DLGAP2: variants seen among roughly 807,000 people sequenced by gnomAD.
The protein encoded by DLGAP2 is DLG associated protein 2.
A neutral mutation model predicts 100.3 loss-of-function variants in DLGAP2; 26 were observed. That is an observed-to-expected ratio of 0.26 (90% CI 0.19 to 0.36). The LOEUF (loss-of-function observed/expected upper bound fraction) is 0.36, where lower values mean the gene tolerates loss of function less well. Ranked by LOEUF, DLGAP2 falls within the 10% of genes least tolerant of loss-of-function variation. The pLI is 1.00. For synonymous variants in DLGAP2, 886 were observed against 630.1 expected (o/e 1.41, Z -6.08); for missense variants, 1,858 against 1,453.2 (o/e 1.28, Z -4.53).
chr8:1,202,774 T>G (rs1348484117), intron 2 of DLGAP2, among the ~76,000 whole-genome samples: 2 of 152,134 alleles, frequency 1.3e-5, no homozygotes, highest in Non-Finnish European at 2.9e-5. Context: ...GCATTCACCT[T>G]GAATCCACCC....
intron 3 of DLGAP2, among the ~76,000 whole-genome samples, chr8:1,473,637 T>C (rs1316347397): frequency 6.6e-6 from 1 of 152,144 alleles, no homozygotes; most frequent in African/African-American, 2.4e-5. Flanking sequence ...TAGGCTATGG[T>C]ATGGTTTGGC....
intron 1 of DLGAP2, among the ~76,000 whole-genome samples, chr8:882,561 G>T (rs1431423753): frequency 2.0e-4 from 3 of 15,332 alleles, no homozygotes; most frequent in African/African-American, 8.8e-4. Context: ...TCCCTGCGGA[G>T]GCCTCCCCTG....
At chr8:1,550,760 C>G (rs888719107) in intron 5 of DLGAP2, among the ~76,000 whole-genome samples, 16 of 152,194 alleles carry the variant, frequency 1.1e-4, no homozygotes, top group African/African-American at 3.9e-4. Flanking sequence ...TTGTGCCATG[C>G]CTGAGTTTAC....
chr8:1,487,798 G>C (rs1265446536), intron 3 of DLGAP2, among the ~76,000 whole-genome samples: 3 of 152,210 alleles, frequency 2.0e-5, no homozygotes, highest in African/African-American at 7.2e-5. Context: ...GGCTGGTCGA[G>C]TACGAGTAGT....
chr8:1,354,699 G>A (rs1355312542), intron 3 of DLGAP2, among the ~76,000 whole-genome samples: 13 of 2,100 alleles, frequency 6.2e-3, no homozygotes, highest in African/African-American at 0.029. Flanking sequence ...GGAAAGTCAC[G>A]GATGATGCTG....
At chr8:949,745 C>G (rs1162232486) in intron 2 of DLGAP2, among the ~76,000 whole-genome samples, 2 of 152,228 alleles carry the variant, frequency 1.3e-5, no homozygotes, top group Non-Finnish European at 2.9e-5. Context: ...GTTCTGCTGT[C>G]AGGAACGGGC....
chr8:764,582 C>T (rs999179848), intron 1 of DLGAP2, among the ~76,000 whole-genome samples: 30 of 152,194 alleles, frequency 2.0e-4, no homozygotes, highest in African/African-American at 7.2e-4. Flanking sequence ...CGAGTCCAAG[C>T]TCTTCTCAGT....
chr8:1,040,940 C>T (rs1279238123), intron 2 of DLGAP2, among the ~76,000 whole-genome samples: 1 of 152,116 alleles, frequency 6.6e-6, no homozygotes, highest in Admixed American at 6.5e-5. Context: ...GGATTGGTGA[C>T]TTACTTTTAG....
intron 2 of DLGAP2, among the ~76,000 whole-genome samples, chr8:942,806 T>C (rs1196414704): frequency 6.6e-6 from 1 of 152,188 alleles, no homozygotes; most frequent in Non-Finnish European, 1.5e-5. Context: ...GTAGAATTCA[T>C]TACAGTGAAA....
chr8:902,073 C>A (rs918922446), intron 1 of DLGAP2, among the ~76,000 whole-genome samples: 1 of 152,212 alleles, frequency 6.6e-6, no homozygotes, highest in Admixed American at 6.5e-5. Flanking sequence ...GGTGGGTCCA[C>A]CGCAGAGGGA....
chr8:1,332,896 T>G (rs1216771513), intron 3 of DLGAP2, among the ~76,000 whole-genome samples: 1 of 152,276 alleles, frequency 6.6e-6, no homozygotes, highest in Non-Finnish European at 1.5e-5. Flanking sequence ...TCTGGGTGTG[T>G]CTGGGAGTGG....
chr8:1,137,615 T>C (rs918094147), intron 2 of DLGAP2: 2 of 152,244 alleles, frequency 1.3e-5, no homozygotes, highest in African/African-American at 2.4e-5. Flanking sequence ...TGAATGTTTC[T>C]AGTATTCACA....
chr8:1,568,026 A>G lies in DLGAP2; in HGVS notation c.1442+2132A>G, dbSNP rs138261495. On this transcript the variant is annotated intron_variant, in intron 6 of 14. Transcript: ENST00000637795. ...TGGACCCCCATGCCACTGTCCACTCAGCAAACACAAATCCACTCTGCCCAT... is the reference window on the plus strand; with the variant it reads ...TGGACCCCCATGCCACTGTCCACTCGGCAAACACAAATCCACTCTGCCCAT... Among the ~76,000 whole-genome samples, 902 of 151,886 alleles carry G rather than the reference A, an allele frequency of 5.9e-3. 2 individuals are homozygous for G. The highest frequency in any genetic ancestry group is 9.3e-3 in the Non-Finnish European group (630 of 67,918).
At chr8:1,257,440 C>A (rs542529578) in intron 2 of DLGAP2, among the ~76,000 whole-genome samples, 1 of 152,130 alleles carries the variant, frequency 6.6e-6, no homozygotes, top group Non-Finnish European at 1.5e-5. Flanking sequence ...CCTCCACCCC[C>A]CCGCCCCATC....
chr8:907,003 C>G (rs1029362026), intron 1 of DLGAP2, among the ~76,000 whole-genome samples: 3 of 152,144 alleles, frequency 2.0e-5, no homozygotes, highest in African/African-American at 7.2e-5. Context: ...TCCAGATCAT[C>G]TCTTGTGGTT....
intron 2 of DLGAP2, among the ~76,000 whole-genome samples, chr8:1,220,853 A>G (rs970189915): frequency 1.3e-5 from 2 of 148,852 alleles, no homozygotes; most frequent in African/African-American, 4.9e-5. Flanking sequence ...ATCATTATGT[A>G]ATGCCTTTTT....
chr8:1,540,693 C>T (rs1801332171), intron 4 of DLGAP2, among the ~76,000 whole-genome samples: 1 of 152,228 alleles, frequency 6.6e-6, no homozygotes, highest in Non-Finnish European at 1.5e-5. Context: ...ACGGAGGGGG[C>T]ATCACTGCGG....
At chr8:1,224,963 G>A (rs1585167292) in intron 2 of DLGAP2, among the ~76,000 whole-genome samples, 1 of 152,214 alleles carries the variant, frequency 6.6e-6, no homozygotes, top group Non-Finnish European at 1.5e-5. Flanking sequence ...CAAGGATATG[G>A]ACAAACTGAA....
At chr8:928,378 C>T (rs1261171071) in intron 2 of DLGAP2, among the ~76,000 whole-genome samples, 1 of 152,140 alleles carries the variant, frequency 6.6e-6, no homozygotes, top group East Asian at 1.9e-4. Context: ...TTACGGAGGT[C>T]GAGAATGTGT....
Sources: gnomAD v4.1 joint callset for allele counts (sites outside exome capture counted in the v4.1 genomes callset) on GRCh38, gnomAD v4.1.1 for gene constraint, MANE v1.5 for transcripts, NCBI Gene and HGNC (gene_info 2026-07-23, HGNC 2026-07-21) for gene names.